PRRC2B: variants seen among roughly 807,000 people sequenced by gnomAD.
The protein encoded by PRRC2B is proline rich coiled-coil 2B.
A neutral mutation model predicts 242.3 loss-of-function variants in PRRC2B; 68 were observed. That is an observed-to-expected ratio of 0.28 (90% CI 0.23 to 0.34). The LOEUF is 0.34. PRRC2B is among the 10% of genes least tolerant of loss of function. The pLI, the probability that PRRC2B is intolerant of heterozygous loss-of-function variation, is 1.00. For missense variants in PRRC2B, 2,835 were observed against 2,954.8 expected (o/e 0.96, Z 0.94); for synonymous variants, 1,228 against 1,173.6 (o/e 1.05, Z -0.95).
chr9:131,448,543 C>CAAAAAAAAAAAAAAAAAAAAAAAAAAAA lies in PRRC2B; in HGVS notation c.1120+766_1120+767insAAAAAAAAAAAAAAAAAAAAAAAAAAAA, dbSNP rs754661321. Reference sequence around the variant, plus strand: ...TGGGCGACAGAGGGAGACACTGTCTCAAAAAAAAAAAAAAAAAAAAAAAAA... The same window carrying CAAAAAAAAAAAAAAAAAAAAAAAAAAAA: ...TGGGCGACAGAGGGAGACACTGTCTCAAAAAAAAAAAAAAAAAAAAAAAAAAAAAAAAAAAAAAAAAAAAAAAAAAAAA... On this transcript the variant is annotated intron_variant, in intron 9 of 31. Coordinates refer to ENST00000683519, the MANE Select transcript of PRRC2B (RefSeq NM_013318.4). Among the ~76,000 whole-genome samples, 92 of 39,892 alleles carry CAAAAAAAAAAAAAAAAAAAAAAAAAAAA rather than the reference C, an allele frequency of 2.3e-3. 37 individuals are homozygous for CAAAAAAAAAAAAAAAAAAAAAAAAAAAA. Among genetic ancestry groups the CAAAAAAAAAAAAAAAAAAAAAAAAAAAA allele is most frequent in the Non-Finnish European group, 3.5e-3 (66 of 18,708 alleles). 26.2% of individuals were successfully genotyped at this position (39,892 alleles called of 152,430 possible).
chr9:131,419,883 G>A (rs1837755258), intron 1 of PRRC2B, among the ~76,000 whole-genome samples: 1 of 151,926 alleles, frequency 6.6e-6, no homozygotes, highest in South Asian at 2.1e-4. Flanking sequence ...GGCGCGGTGG[G>A]GGGTGATGTG....
At chr9:131,392,797 C>T (rs2131270990), upstream of PRRC2B, among the ~76,000 whole-genome samples, 1 of 151,868 alleles carries the variant, frequency 6.6e-6, no homozygotes, top group East Asian at 1.9e-4. Context: ...TCTGTAATCC[C>T]AGCTACTCAG....
rs1282765281 is a variant in PRRC2B at position 131,473,571 on chromosome 9, A to G, written c.2171A>G (p.Gln724Arg). The G allele has an allele frequency of 6.2e-7, 1 of 1,611,236 alleles. No individual in the cohort carries two copies. Among genetic ancestry groups the G allele is most frequent in the Admixed American group, 1.7e-5 (1 of 59,742 alleles). The change falls in exon 15 of 32, where the codon CAG (glutamine) becomes CGG (arginine). Residue 724 changes from glutamine to arginine, a missense_variant. Gln to Arg is a conservative substitution (Grantham distance 43). This residue lies in a region of PRRC2B where 1,536 missense variants were observed against 1,483.1 expected (regional missense o/e 1.04). Transcript: ENST00000683519. ...GGGACAGGCTGTCGCTCTGAGGATC[A>G]GAACTGTGTGCCCCCACTCCAAGAA... is the stretch of plus-strand genomic sequence containing the variant. ...LNGTGCRSED[Q>R]NCVPPLQERK... is the part of the protein sequence containing the mutation.
Position 131,403,035 on chromosome 9 carries a change from A to G in PRRC2B, c.-52+8772A>G, listed in dbSNP as rs540232849. On this transcript the variant is annotated intron_variant, in intron 1 of 31. Transcript: ENST00000683519. ...CAGGACCTACTGGAAAAAGGAGGTC[A>G]TCTCCAGGACTCTTTCCATGGGTCC... Among the ~76,000 whole-genome samples, 6 of 152,372 alleles carry G rather than the reference A, an allele frequency of 3.9e-5. No homozygotes were observed. In the East Asian group the frequency reaches 1.2e-3, roughly 29 times the overall value.
chr9:131,423,357 C>T (rs994853083), intron 1 of PRRC2B, among the ~76,000 whole-genome samples: 1 of 152,192 alleles, frequency 6.6e-6, no homozygotes, highest in Non-Finnish European at 1.5e-5. Context: ...TCCCTGCCTC[C>T]GGATAGGCTA....
intron 2 of PRRC2B, 58 bp from the exon 3 acceptor site, chr9:131,432,559 C>G (rs1319774738): frequency 2.7e-6 from 4 of 1,499,770 alleles, no homozygotes; most frequent in Non-Finnish European, 3.7e-6. Flanking sequence ...ATGCATCAGG[C>G]TTCTTTCCTT....
At chr9:131,405,563 G>T (rs1837340042) in intron 1 of PRRC2B, among the ~76,000 whole-genome samples, 1 of 152,040 alleles carries the variant, frequency 6.6e-6, no homozygotes, top group Admixed American at 6.6e-5. Flanking sequence ...CCCCCACTTT[G>T]GTTTAGTTCT....
chr9:131,455,454 G>C (rs1943043049), intron 10 of PRRC2B, among the ~76,000 whole-genome samples: 1 of 151,214 alleles, frequency 6.6e-6, no homozygotes, highest in Non-Finnish European at 1.5e-5. Flanking sequence ...TGGCTGTCGT[G>C]CCCAAAAAGG....
rs1309154518 is a variant in PRRC2B at position 131,494,831 on chromosome 9, C to T, written c.6555+345C>T. ...GGGGTCGGCTTTAGGAGCCGGGGTG[C>T]GCGCGCTGGTTCTAGTCAGTGGTGT... On this transcript the variant is annotated intron_variant, in intron 31 of 31. Coordinates refer to ENST00000683519, the MANE Select transcript of PRRC2B (RefSeq NM_013318.4). This position sits in a 1 kb window ranked among gnomAD's most constrained non-coding sequence, Gnocchi z 4.3. Among the ~76,000 whole-genome samples the T allele has an allele frequency of 6.6e-6, 1 of 151,990 alleles. No homozygotes were observed. Among genetic ancestry groups the T allele is most frequent in the Non-Finnish European group, 1.5e-5 (1 of 67,988 alleles).
chr9:131,452,750 T>A (rs12554146), intron 9 of PRRC2B, among the ~76,000 whole-genome samples: 16,840 of 152,250 alleles, frequency 0.11, 1,022 homozygotes, highest in Non-Finnish European at 0.13. Flanking sequence ...TACGGGGACA[T>A]TTCTAGATTG....
chr9:131,493,828 G>T lies in PRRC2B; in HGVS notation c.6474-577G>T, dbSNP rs536127923. On this transcript the variant is annotated intron_variant, in intron 30 of 31. Transcript: ENST00000683519. ...TGAGCGGGCCTAGGTTGAGAGTCCT[G>T]TTGAACTCTGCACACGGCACTTAGG... Among the ~76,000 whole-genome samples the T allele has an allele frequency of 2.6e-5, 4 of 152,226 alleles. No individual in the cohort carries two copies. In the East Asian group the frequency reaches 7.7e-4, roughly 29 times the overall value.
intron 5 of PRRC2B, among the ~76,000 whole-genome samples, chr9:131,441,569 C>T (rs1838576009): frequency 4.6e-5 from 7 of 152,176 alleles, no homozygotes; most frequent in Admixed American, 4.6e-4. Context: ...CAGGCAGAAA[C>T]CTGCCAGCCC....
intron 4 of PRRC2B, among the ~76,000 whole-genome samples, 156 bp from the exon 5 acceptor site, chr9:131,438,833 T>C (rs749123147): frequency 2.0e-5 from 3 of 152,026 alleles, no homozygotes; most frequent in South Asian, 2.1e-4. Flanking sequence ...ACAGGGAAGG[T>C]TCAGGGCTTT....
At chr9:131,385,665 C>T (rs759045004) in intron 1 of PRRC2B, among the ~76,000 whole-genome samples, 3 of 150,540 alleles carry the variant, frequency 2.0e-5, no homozygotes, top group Non-Finnish European at 4.4e-5. Flanking sequence ...GCATGCCTGG[C>T]CCAGAAAAAT....
At chr9:131,398,444 C>G (rs975309209) in intron 1 of PRRC2B, among the ~76,000 whole-genome samples, 3 of 152,218 alleles carry the variant, frequency 2.0e-5, no homozygotes, top group African/African-American at 7.2e-5. Context: ...CAGAACAAAG[C>G]CTATCTCAAG....
intron 1 of PRRC2B, among the ~76,000 whole-genome samples, chr9:131,376,500 A>G (rs1836686863): frequency 6.6e-6 from 1 of 151,960 alleles, no homozygotes; most frequent in Non-Finnish European, 1.5e-5. Flanking sequence ...TCCAGGGCAC[A>G]CCACTGGACT....
At chr9:131,455,848 C>T (rs1405720420) in intron 10 of PRRC2B, among the ~76,000 whole-genome samples, 1 of 151,822 alleles carries the variant, frequency 6.6e-6, no homozygotes, top group Non-Finnish European at 1.5e-5. Context: ...CACGGCGGCT[C>T]GTGCTGTTAA....
intron 23 of PRRC2B, among the ~76,000 whole-genome samples, chr9:131,483,784 C>G (rs895420643): frequency 2.0e-5 from 3 of 152,190 alleles, no homozygotes. Flanking sequence ...CCCCATCTCA[C>G]CATCCAAGGG....
At chr9:131,469,321 G>A (rs1333662290) in intron 13 of PRRC2B, among the ~76,000 whole-genome samples, 1 of 152,072 alleles carries the variant, frequency 6.6e-6, no homozygotes, top group Non-Finnish European at 1.5e-5. Context: ...GTGACAGAGC[G>A]AGACTCCATC....
Sources: allele counts gnomAD v4.1 joint callset (sites outside exome capture counted in the v4.1 genomes callset), GRCh38; gene constraint gnomAD v4.1.1; regional missense constraint gnomAD v4.1.1; non-coding constraint Gnocchi (gnomAD v3.1); transcripts MANE v1.5; gene names NCBI Gene and HGNC (gene_info 2026-07-23, HGNC 2026-07-21).